The following ASTN1 variants were observed in gnomAD, a reference collection of about 807,000 sequenced individuals.
The protein encoded by ASTN1 is astrotactin 1.
A neutral mutation model predicts 140.7 loss-of-function variants in ASTN1; 41 were observed. The ratio of observed to expected loss-of-function variants is 0.29; its 90% CI spans 0.23 to 0.38. ASTN1 has a LOEUF of 0.38. Among genes scored for constraint, ASTN1 ranks in the 10% least tolerant of loss-of-function variants. The pLI, the probability that ASTN1 is intolerant of heterozygous loss-of-function variation, is 1.00. For synonymous variants in ASTN1, 640 were observed against 652.2 expected (o/e 0.98, Z 0.29); for missense variants, 1,479 against 1,678.8 (o/e 0.88, Z 2.08).
intron 7 of ASTN1, among the ~76,000 whole-genome samples, chr1:177,019,452 C>T (rs1260868216): frequency 6.6e-6 from 1 of 152,144 alleles, no homozygotes; most frequent in Non-Finnish European, 1.5e-5. Flanking sequence ...GCTGAATTAC[C>T]AGACAGCCAA....
Position 176,862,804 on chromosome 1 carries a change from A to G in ASTN1, c.*1480T>C. The G allele has an allele frequency of 3.0e-6, 3 of 985,044 alleles. No homozygotes were observed. Among genetic ancestry groups the G allele is most frequent in the Non-Finnish European group, 3.6e-6 (3 of 829,568 alleles). The allele number at this position is 985,044 out of a possible 1,614,324, so 61.0% of individuals were successfully genotyped here. On this transcript the variant is annotated 3_prime_UTR_variant, in exon 23 of 23. Coordinates refer to ENST00000361833, the MANE Select transcript of ASTN1 (RefSeq NM_004319.3). ...AGCGCCTGGCATACAGCAAGCACTC[A>G]ATAAATGTTATCTGTCACTACTACT...
chr1:177,157,537 A>G (rs532681724), intron 1 of ASTN1, among the ~76,000 whole-genome samples: 122 of 151,762 alleles, frequency 8.0e-4, no homozygotes, highest in African/African-American at 2.9e-3. Context: ...CCTGTCTCAA[A>G]CTCCCAAGCT....
intron 20 of ASTN1, 27 bp from the exon 21 acceptor site, chr1:176,876,664 A>T (rs1668577549): frequency 6.2e-7 from 1 of 1,608,000 alleles, no homozygotes; most frequent in African/African-American, 1.3e-5. Flanking sequence ...GGGCATGGTT[A>T]GCAGAAACAG....
In ASTN1 at chr1:177,024,662, G is replaced by T. The variant is rs1039283579; in HGVS notation, c.1191C>A (p.Gly397=). The T allele has an allele frequency of 6.2e-7, 1 of 1,613,892 alleles. No individual in the cohort carries two copies. Among genetic ancestry groups the T allele is most frequent in the Non-Finnish European group, 8.5e-7 (1 of 1,179,942 alleles). The part of the protein sequence containing the change: ...TLISITSCVI[G]LVCSSHVNCP... ...AGTTGACGTGAGAGGAGCACACGAG[G>T]CCAATCACACAGCTGGTGATGCTGA... The change falls in exon 6 of 23, where the codon GGC becomes GGA. Residue 397 remains glycine (G), a synonymous_variant. Transcript: ENST00000361833.
In ASTN1 at chr1:177,129,290, T is replaced by C. The variant is rs759582698; in HGVS notation, c.283+35104A>G. 5.9e-5 allele frequency among the ~76,000 whole-genome samples: 9 copies of C among 152,282 alleles called. 1 individual carries two copies. The South Asian group carries it at 1.2e-3, about 21-fold the overall frequency. On this transcript the variant is annotated intron_variant, in intron 1 of 22. Transcript: ENST00000361833. ...TTCCAGGTGAGAAACTGGGGACCAC[T>C]CATGAATGGAAGAGATCATTATAGT...
chr1:176,861,168 CATATT>C lies in ASTN1; in HGVS notation c.*3111_*3115del. On this transcript the variant is annotated 3_prime_UTR_variant, in exon 23 of 23. Transcript: ENST00000361833. ...CAACACTGTTATACCTGAAGATGGT[CATATT>C]ATATTCTTTCTTCCTTCTGCAGTAG... 1 of 956,266 alleles carries C rather than the reference CATATT, an allele frequency of 1.0e-6. No homozygotes were observed. Among genetic ancestry groups the C allele is most frequent in the Non-Finnish European group, 1.2e-6 (1 of 803,340 alleles). The allele number at this position is 956,266 out of a possible 1,614,324, so 59.2% of individuals were successfully genotyped here.
At chr1:177,026,513 A>T (rs1226862804) in intron 5 of ASTN1, among the ~76,000 whole-genome samples, 1 of 152,114 alleles carries the variant, frequency 6.6e-6, no homozygotes. Flanking sequence ...TTGTCTCTTT[A>T]GGGTATGTTC....
Position 177,094,059 on chromosome 1 carries a change from C to A in ASTN1, c.284-32794G>T, listed in dbSNP as rs187845266. On this transcript the variant is annotated intron_variant, in intron 1 of 22. Transcript: ENST00000361833. Reference sequence around the variant, plus strand: ...ACTCCTGCAACTCAGATAATGACTTCAGCCTCATGTATTAGTGCTGCTTTT... The same window carrying A: ...ACTCCTGCAACTCAGATAATGACTTAAGCCTCATGTATTAGTGCTGCTTTT... 7.2e-4 allele frequency among the ~76,000 whole-genome samples: 110 copies of A among 152,322 alleles called. 1 individual carries two copies. The highest frequency in any genetic ancestry group is 2.3e-3 in the African/African-American group (97 of 41,580).
In ASTN1 at chr1:177,036,036, C is replaced by CTTTTT. The variant is rs869200407; in HGVS notation, c.472-3192_472-3188dup. On this transcript the variant is annotated intron_variant, in intron 2 of 22. Transcript: ENST00000361833. ...CTCTGGATGGGATGACCTCAGCTTT[C>CTTTTT]TTTTTTTTTTTTTTTTTTTTTTTTT... is the stretch of plus-strand genomic sequence containing the variant. Among the ~76,000 whole-genome samples, 107 of 78,800 alleles carry CTTTTT rather than the reference C, an allele frequency of 1.4e-3. 11 individuals carry two copies. The highest frequency in any genetic ancestry group is 5.3e-3 in the African/African-American group (96 of 18,138). 51.7% of individuals were successfully genotyped at this position (78,800 alleles called of 152,430 possible).
intron 1 of ASTN1, among the ~76,000 whole-genome samples, chr1:177,149,150 TATATATAGTGTATATATAGTAA>T (rs1384518586): frequency 0.011 from 1,402 of 124,988 alleles, 40 homozygotes; most frequent in African/African-American, 0.027. Flanking sequence ...ATATAGTGCA[TATATATAGTGTATATATAGTAA>T]ATATATAGTG....
At chr1:176,985,671 C>T (rs1378852488) in intron 8 of ASTN1, among the ~76,000 whole-genome samples, 4 of 152,252 alleles carry the variant, frequency 2.6e-5, no homozygotes, top group African/African-American at 9.6e-5. Flanking sequence ...CTGCCCAAAG[C>T]TCCAGTCCCA....
intron 8 of ASTN1, among the ~76,000 whole-genome samples, chr1:176,981,083 G>A (rs2101880432): frequency 6.6e-6 from 1 of 151,558 alleles, no homozygotes; most frequent in East Asian, 2.0e-4. Flanking sequence ...GTGGTACCAG[G>A]TGCCTGTAAT....
intron 8 of ASTN1, among the ~76,000 whole-genome samples, chr1:176,999,895 C>A (rs1442826786): frequency 6.6e-6 from 1 of 152,122 alleles, no homozygotes; most frequent in Non-Finnish European, 1.5e-5. Flanking sequence ...ATTCCTGAGG[C>A]CTCCCCAGCC....
At chr1:177,015,017 T>C in intron 7 of ASTN1, 142 bp from the exon 8 acceptor site, 1 of 694,240 alleles carries the variant, frequency 1.4e-6, no homozygotes, top group Non-Finnish European at 2.5e-6. Context: ...TTCCATTATG[T>C]CATATACTCC....
chr1:176,983,401 CAG>C (rs1673724763), intron 8 of ASTN1, among the ~76,000 whole-genome samples: 1 of 152,172 alleles, frequency 6.6e-6, no homozygotes, highest in African/African-American at 2.4e-5. Flanking sequence ...ACGTAAAAGA[CAG>C]ATAGGAAAAA....
intron 17 of ASTN1, among the ~76,000 whole-genome samples, chr1:176,889,173 T>C (rs762035599): frequency 6.6e-6 from 1 of 152,210 alleles, no homozygotes; most frequent in Non-Finnish European, 1.5e-5. Flanking sequence ...GAACCCGTAA[T>C]AGGGCCAGTC....
At chr1:177,042,915 G>A (rs930999725) in intron 2 of ASTN1, among the ~76,000 whole-genome samples, 2 of 152,210 alleles carry the variant, frequency 1.3e-5, no homozygotes, top group African/African-American at 4.8e-5. Flanking sequence ...ATCCCTAAAT[G>A]TCTACACTTA....
chr1:177,150,869 C>T (rs1387218159), intron 1 of ASTN1, among the ~76,000 whole-genome samples: 4 of 152,102 alleles, frequency 2.6e-5, no homozygotes, highest in Non-Finnish European at 5.9e-5. Context: ...TACATATTGT[C>T]TACAGTGGCT....
intron 1 of ASTN1, among the ~76,000 whole-genome samples, chr1:177,094,556 T>A (rs571330183): frequency 1.2e-3 from 177 of 152,316 alleles, no homozygotes; most frequent in South Asian, 4.1e-3. Context: ...ACACCAAATG[T>A]GCTAGTGGCT....
Sources: gnomAD v4.1 joint callset for allele counts (sites outside exome capture counted in the v4.1 genomes callset) on GRCh38, gnomAD v4.1.1 for gene constraint, MANE v1.5 for transcripts, NCBI Gene and HGNC (gene_info 2026-07-23, HGNC 2026-07-21) for gene names.